AGRN: variants seen among roughly 807,000 people sequenced by gnomAD.
The protein encoded by AGRN is agrin.
Under a neutral mutation model 211.0 loss-of-function variants are expected in AGRN, and 106 were observed. That is an observed-to-expected ratio of 0.50 (90% CI 0.43 to 0.59). The LOEUF (loss-of-function observed/expected upper bound fraction) is 0.59, where lower values mean the gene tolerates loss of function less well. Among genes scored for constraint, AGRN ranks in the 20% least tolerant of loss-of-function variants. AGRN has a pLI of 0.00. For synonymous variants in AGRN, 1,525 were observed against 1,332.5 expected, an observed-to-expected ratio of 1.14 and a Z score of -3.15; for missense variants, 3,040 against 2,982.6, an observed-to-expected ratio of 1.02 and a Z score of -0.45.
chr1:1,054,128 C>A, intron 34 of AGRN, 151 bp downstream of exon 34: 3 of 868,808 alleles, frequency 3.5e-6, no homozygotes, highest in Non-Finnish European at 5.4e-6. Flanking sequence ...GAGGAAGGGC[C>A]AAGAAGATGC....
chr1:1,054,000 C>G, intron 34 of AGRN, 23 bp downstream of exon 34: 1 of 1,573,020 alleles, frequency 6.4e-7, no homozygotes, highest in Non-Finnish European at 8.6e-7. Flanking sequence ...CCCAGCGTGC[C>G]GAGAATAGTG....
chr1:1,020,356 C>T lies in AGRN; in HGVS notation c.184C>T (p.His62Tyr). 1 of 1,498,932 alleles carries T rather than the reference C, an allele frequency of 6.7e-7. No individual in the cohort carries two copies. The highest frequency in any genetic ancestry group is 8.9e-7 in the Non-Finnish European group (1 of 1,122,960). 92.9% of individuals were successfully genotyped at this position (1,498,932 alleles called of 1,614,324 possible). A position where few individuals can be genotyped will look rare whatever the true frequency, so the allele number is the denominator to read the frequency against. ...EEILNVDPVQHTYSCKVRVWR... is the reference protein window; with the variant it reads ...EEILNVDPVQYTYSCKVRVWR... ...GATCCTCAACGTGGACCCGGTGCAG[C>T]ACACGTACTCCTGCAAGGTGCGCCC... is the stretch of plus-strand genomic sequence containing the variant. Residue 62 changes from histidine to tyrosine, a missense_variant, in exon 1 of 36, where the codon CAC (histidine) becomes TAC (tyrosine). Physicochemically the swap from His to Tyr is moderately conservative, Grantham distance 83. Transcript: ENST00000379370.
At chr1:1,052,731 G>C (rs1479750557) in intron 33 of AGRN, 3 of 157,364 alleles carry the variant, frequency 1.9e-5, no homozygotes, top group Non-Finnish European at 4.1e-5. Flanking sequence ...AGACACGCAG[G>C]TGTGTGTCCG....
intron 3 of AGRN, among the ~76,000 whole-genome samples, chr1:1,039,411 T>TGGGG (rs36095704): frequency 0.012 from 1,836 of 148,412 alleles, 37 homozygotes; most frequent in African/African-American, 0.034. Context: ...TCCTTGGAGA[T>TGGGG]GGGGGGGGTT....
rs1645162094 is a variant in AGRN, at chr1:1,048,301, G to C, written c.4041G>C (p.Trp1347Cys). Residue 1347 changes from tryptophan (W) to cysteine (C), a missense_variant, in exon 23 of 36, where the codon TGG becomes TGC. Around this residue, in one of 3 missense-constraint regions of AGRN, gnomAD observed 1,537 missense variants for 1,505.0 expected, o/e 1.02. Transcript: ENST00000379370. This position sits in a 1 kb window ranked among gnomAD's most constrained non-coding sequence, Gnocchi z 5.9. The part of the protein sequence containing the change: ...PCFHGGTCQD[W>C]ALGGGFTCSC... The stretch of plus-strand genomic sequence containing the variant: ...TCCACGGGGGGACCTGCCAGGACTG[G>C]GCATTGGGCGGGGGCTTCACCTGCA... The C allele has an allele frequency of 6.6e-7, 1 of 1,505,212 alleles. No homozygotes were observed. The highest frequency in any genetic ancestry group is 8.9e-7 in the Non-Finnish European group (1 of 1,123,034). 93.2% of individuals were successfully genotyped at this position (1,505,212 alleles called of 1,614,324 possible). A position where few individuals can be genotyped will look rare whatever the true frequency, so the allele number is the denominator to read the frequency against.
chr1:1,025,523 C>A (rs891077242), intron 2 of AGRN, among the ~76,000 whole-genome samples: 1 of 152,102 alleles, frequency 6.6e-6, no homozygotes, highest in Non-Finnish European at 1.5e-5. Flanking sequence ...CCAGCCCCCT[C>A]TCCTGCCCAG....
At chr1:1,054,647 T>C in intron 35 of AGRN, 96 bp downstream of exon 35, 3 of 1,497,484 alleles carry the variant, frequency 2.0e-6, no homozygotes, top group Non-Finnish European at 1.8e-6. Flanking sequence ...TGAGTCAGGG[T>C]GCATGTGAGC....
In AGRN at chr1:1,035,071, G is replaced by A. The variant is rs924039840; in HGVS notation, c.464-206G>A. 4.4e-5 allele frequency: 29 copies of A among 655,960 alleles called. No individual in the cohort carries two copies. The East Asian group carries it at 7.4e-4, about 17-fold the overall frequency. 40.6% of individuals were successfully genotyped at this position (655,960 alleles called of 1,614,324 possible). ...GGGTCAGGCCATGACTATTTGGCTG[G>A]AGGGGCAGAGAAAAGCAGGGGCCTC... On this transcript the variant is annotated intron_variant, in intron 2 of 35. Transcript: ENST00000379370.
chr1:1,047,946 G>T (rs1305695648), intron 22 of AGRN, 51 bp downstream of exon 22: 2 of 1,584,680 alleles, frequency 1.3e-6, no homozygotes, highest in Admixed American at 3.6e-5. Flanking sequence ...CTCTGCCCAT[G>T]CCCCTGCCCC....
rs139302553 is a variant in AGRN, at chr1:1,043,314, C to T, written c.1460C>T (p.Ala487Val). ...TGTGCTGTGAAGAACGGGCAGGCAG[C>T]GTGTGAATGCCTGCAGGCGTGCTCG... ...ATCAVKNGQA[A>V]CECLQACSSL... The change falls in exon 8 of 36, where the codon GCG becomes GTG. Residue 487 changes from alanine (A) to valine (V), a missense_variant. Ala to Val is a moderately conservative substitution (Grantham distance 64, BLOSUM62 0). Around this residue, in one of 3 missense-constraint regions of AGRN, gnomAD observed 1,498 missense variants for 1,457.8 expected, o/e 1.03. Coordinates refer to ENST00000379370, the MANE Select transcript of AGRN (RefSeq NM_198576.4). 3.4e-5 allele frequency: 54 copies of T among 1,610,704 alleles called. No individual in the cohort carries two copies. The African/African-American group carries it at 5.1e-4, about 15-fold the overall frequency.
chr1:1,050,364 C>T, intron 28 of AGRN, 35 bp downstream of exon 28: 4 of 1,612,646 alleles, frequency 2.5e-6, no homozygotes, highest in Non-Finnish European at 2.5e-6. Context: ...AGGGCCGGCC[C>T]CCACCTCCGT....
intron 2 of AGRN, among the ~76,000 whole-genome samples, chr1:1,030,316 G>A (rs1444685696): frequency 2.2e-5 from 3 of 138,292 alleles, no homozygotes; most frequent in African/African-American, 8.8e-5. Context: ...TGTGTGTGCA[G>A]TGCATGGTGC....
At position 1,049,425 on chromosome 1, in the gene AGRN, C is replaced by T. The variant is rs748221306; in HGVS notation, c.4488C>T (p.Gly1496=). Residue 1496 remains glycine (G), a synonymous_variant, in exon 25 of 36, where the codon GGC becomes GGT. Coordinates refer to ENST00000379370, the MANE Select transcript of AGRN (RefSeq NM_198576.4). ...GLNLDTDLFV[G]GVPEDQAAVA... ...ACCTGGACACAGACCTCTTTGTGGG[C>T]GGCGTACCCGAGGACCAGGCTGCCG... The T allele has an allele frequency of 1.2e-4, 191 of 1,599,130 alleles. No homozygotes were observed. Among genetic ancestry groups the T allele is most frequent in the Non-Finnish European group, 1.4e-4 (165 of 1,179,744 alleles).
intron 2 of AGRN, among the ~76,000 whole-genome samples, chr1:1,024,192 G>T (rs772646684): frequency 1.3e-5 from 2 of 152,092 alleles, no homozygotes; most frequent in Non-Finnish European, 2.9e-5. Context: ...GGGGTCCCTG[G>T]CTGCCGGGAC....
Position 1,045,562 on chromosome 1 carries a change from C to T in AGRN, c.2536+39C>T, listed in dbSNP as rs767478371. On this transcript the variant is annotated intron_variant, in intron 14 of 35. Transcript: ENST00000379370. ...CCCAGGACTGGCCACCGGCTATGCCCTCCTACCTGTTCACCCCCATCACTG... is the reference window on the plus strand; with the variant it reads ...CCCAGGACTGGCCACCGGCTATGCCTTCCTACCTGTTCACCCCCATCACTG... 33 of 1,609,076 alleles carry T rather than the reference C, an allele frequency of 2.1e-5. No homozygotes were observed. In the Admixed American group the frequency reaches 5.5e-4, roughly 27 times the overall value.
chr1:1,050,079 T>A, intron 27 of AGRN, 42 bp downstream of exon 27: 1 of 1,467,174 alleles, frequency 6.8e-7, no homozygotes, highest in Non-Finnish European at 9.0e-7. Flanking sequence ...GGGGGGGGGG[T>A]TGAACGTTTG....
chr1:1,038,870 C>T (rs1365190992), intron 3 of AGRN, among the ~76,000 whole-genome samples: 1 of 152,062 alleles, frequency 6.6e-6, no homozygotes, highest in Admixed American at 6.5e-5. Context: ...AGAAGGGGAA[C>T]CAGAAGGGAA....
chr1:1,025,992 G>C (rs114663692), intron 2 of AGRN, among the ~76,000 whole-genome samples: 3 of 152,116 alleles, frequency 2.0e-5, no homozygotes, highest in Non-Finnish European at 2.9e-5. Context: ...CCTGGGGGGG[G>C]GCTTTGCTGG....
rs750647845 is a variant in AGRN, at chr1:1,049,422, G to A, written c.4485G>A (p.Val1495=). The A allele has an allele frequency of 2.5e-6, 4 of 1,599,242 alleles. No individual in the cohort carries two copies. Among genetic ancestry groups the A allele is most frequent in the South Asian group, 1.1e-5 (1 of 91,076 alleles). The change falls in exon 25 of 36, where the codon GTG becomes GTA. Residue 1495 remains valine, a synonymous_variant. Coordinates refer to ENST00000379370, the MANE Select transcript of AGRN (RefSeq NM_198576.4). ...DGLNLDTDLF[V]GGVPEDQAAV... ...TCAACCTGGACACAGACCTCTTTGT[G>A]GGCGGCGTACCCGAGGACCAGGCTG...
Sources: gnomAD v4.1 joint callset for allele counts (sites outside exome capture counted in the v4.1 genomes callset) on GRCh38, gnomAD v4.1.1 for gene constraint, gnomAD v4.1.1 regional missense constraint, Gnocchi (gnomAD v3.1) non-coding constraint, MANE v1.5 for transcripts, NCBI Gene and HGNC (gene_info 2026-07-23, HGNC 2026-07-21) for gene names.